Variants in LRRC56 observed in about 807,000 individuals in gnomAD.
LRRC56 encodes the protein leucine-rich repeat-containing protein 56.
A neutral mutation model predicts 47.8 loss-of-function variants in LRRC56; 41 were observed. That is an observed-to-expected ratio of 0.86 (90% CI 0.67 to 1.11). LRRC56 has a LOEUF of 1.11. Among genes scored for constraint, LRRC56 ranks in the 50% most tolerant of loss-of-function variants. LRRC56 has a pLI of 0.00. For missense variants in LRRC56, 759 were observed against 704.2 expected, an observed-to-expected ratio of 1.08 and a Z score of -0.88; for synonymous variants, 387 against 311.2, an observed-to-expected ratio of 1.24 and a Z score of -2.56.
At chr11:532,812 A>T (rs1851188822), upstream of LRRC56, 1 of 1,555,404 alleles carries the variant, frequency 6.4e-7, no homozygotes, top group African/African-American at 1.4e-5. Flanking sequence ...TGCCTGGGTG[A>T]GGGGCTCCCT....
chr11:516,388 A>T, the LRRC56 span, among the ~76,000 whole-genome samples: 1 of 151,768 alleles, frequency 6.6e-6, no homozygotes, highest in Non-Finnish European at 1.5e-5. Flanking sequence ...GCGAGCCTCC[A>T]TCTCAAAAAA....
At chr11:543,706 A>T (rs1050678626) in intron 5 of LRRC56, among the ~76,000 whole-genome samples, 1 of 151,450 alleles carries the variant, frequency 6.6e-6, no homozygotes, top group Non-Finnish European at 1.5e-5. Flanking sequence ...CCCTTCCCAC[A>T]GGCATGGTCT....
chr11:531,393 C>G, the LRRC56 span, among the ~76,000 whole-genome samples: 4 of 152,156 alleles, frequency 2.6e-5, no homozygotes, highest in South Asian at 8.3e-4. Flanking sequence ...GCGCTGTGGG[C>G]CCCCAGCAGA....
chr11:511,087 C>A, the LRRC56 span, among the ~76,000 whole-genome samples: 7 of 151,946 alleles, frequency 4.6e-5, no homozygotes, highest in Non-Finnish European at 1.0e-4. Flanking sequence ...TTTGGGAGGC[C>A]GAGGCGGGCG....
chr11:521,404 G>A, the LRRC56 span, among the ~76,000 whole-genome samples: 2 of 152,046 alleles, frequency 1.3e-5, no homozygotes, highest in Admixed American at 6.6e-5. Flanking sequence ...AACCACCTGG[G>A]CTCAAGCAAC....
At chr11:535,284 A>T (rs549849454), upstream of LRRC56, 3 of 67,716 alleles carry the variant, frequency 4.4e-5, no homozygotes, top group Non-Finnish European at 9.5e-5. Context: ...GCCCGGCCCC[A>T]CCCACCCGCC....
At chr11:544,898 AC>A in intron 6 of LRRC56, 118 bp downstream of exon 6, 1 of 1,060,700 alleles carries the variant, frequency 9.4e-7, no homozygotes, top group Non-Finnish European at 1.4e-6. Context: ...GGGACCAGGG[AC>A]CCAGGGGTCT....
the LRRC56 span, among the ~76,000 whole-genome samples, chr11:516,023 G>A: frequency 1.3e-5 from 2 of 152,086 alleles, no homozygotes; most frequent in South Asian, 4.1e-4. Context: ...GTCTACTCTC[G>A]ATCCTCTATT....
chr11:524,277 C>T, the LRRC56 span, among the ~76,000 whole-genome samples: 1 of 152,138 alleles, frequency 6.6e-6, no homozygotes, highest in Non-Finnish European at 1.5e-5. Context: ...ATCCCAGAAA[C>T]GGACGCACAC....
At chr11:550,815 C>T (rs1198423151) in intron 8 of LRRC56, among the ~76,000 whole-genome samples, 2 of 152,152 alleles carry the variant, frequency 1.3e-5, no homozygotes, top group East Asian at 1.9e-4. Context: ...CAGCGTCTAC[C>T]AGTGCCCAGT....
At chr11:539,237 C>G (rs1457873517) in intron 2 of LRRC56, among the ~76,000 whole-genome samples, 2 of 152,094 alleles carry the variant, frequency 1.3e-5, no homozygotes, top group African/African-American at 4.8e-5. Context: ...TCCGCCACCA[C>G]GCCTGGCTAA....
At chr11:528,929 G>A in the LRRC56 span, 4 of 152,390 alleles carry the variant, frequency 2.6e-5, no homozygotes, top group African/African-American at 7.2e-5. Context: ...GTGTCCGAGG[G>A]GGGGCTCTGC....
chr11:533,391 T>G (rs764138840), upstream of LRRC56: 23 of 1,307,230 alleles, frequency 1.8e-5, no homozygotes, highest in Non-Finnish European at 2.5e-5. Flanking sequence ...TGAGTGCTGC[T>G]CCCTGGCTGG....
the LRRC56 span, chr11:507,252 C>G: frequency 2.1e-5 from 3 of 144,122 alleles, no homozygotes; most frequent in African/African-American, 7.6e-5. Context: ...CGAGCCGGCT[C>G]GTGGGCGTGG....
At chr11:545,268 G>C (rs1446206886) in intron 6 of LRRC56, among the ~76,000 whole-genome samples, 1 of 152,228 alleles carries the variant, frequency 6.6e-6, no homozygotes, top group Non-Finnish European at 1.5e-5. Context: ...CCCTGACCTG[G>C]GCCCAGAGCT....
intron 6 of LRRC56, among the ~76,000 whole-genome samples, chr11:546,792 C>T (rs1394195053): frequency 6.6e-6 from 1 of 151,946 alleles, no homozygotes; most frequent in Non-Finnish European, 1.5e-5. Context: ...TTGGCTCACA[C>T]CTGTAATCCC....
intron 6 of LRRC56, among the ~76,000 whole-genome samples, chr11:545,673 GAAGACGTTGGCGGCTCTC>G (rs1420797744): frequency 1.3e-5 from 2 of 152,244 alleles, no homozygotes; most frequent in African/African-American, 4.8e-5. Context: ...ATTCGGAGCT[GAAGACGTTGGCGGCTCTC>G]ACGTCATCGG....
chr11:520,379 G>T, the LRRC56 span, among the ~76,000 whole-genome samples: 5 of 152,116 alleles, frequency 3.3e-5, no homozygotes, highest in African/African-American at 1.2e-4. Context: ...GGAGTGCAAT[G>T]GTGCGATCTC....
At chr11:512,241 T>C in the LRRC56 span, among the ~76,000 whole-genome samples, 1 of 151,166 alleles carries the variant, frequency 6.6e-6, no homozygotes. Flanking sequence ...AAAGCCTTTT[T>C]GTTTTCATTT....
Sources: allele counts gnomAD v4.1 joint callset (sites outside exome capture counted in the v4.1 genomes callset), GRCh38; gene constraint gnomAD v4.1.1; transcripts MANE v1.5; gene names NCBI Gene and HGNC (gene_info 2026-07-23, HGNC 2026-07-21).